MPP7: variants seen among roughly 807,000 people sequenced by gnomAD.
MPP7 encodes MAGUK p55 scaffold protein 7.
MPP7 carries 60 observed loss-of-function variants against 76.5 expected under a neutral mutation model. The observed-to-expected ratio is 0.78, with a 90% CI of 0.64 to 0.97. MPP7 has a LOEUF of 0.97. MPP7 is among the 50% of genes least tolerant of loss of function. The pLI, the probability that MPP7 is intolerant of heterozygous loss-of-function variation, is 0.00. For missense variants in MPP7, 641 were observed against 694.0 expected, an observed-to-expected ratio of 0.92 and a Z score of 0.86; for synonymous variants, 237 against 244.5, an observed-to-expected ratio of 0.97 and a Z score of 0.29.
chr10:28,131,466 T>C (rs867248476), intron 6 of MPP7, 94 bp downstream of exon 6: 7 of 1,081,444 alleles, frequency 6.5e-6, no homozygotes, highest in Non-Finnish European at 8.5e-6. Context: ...TTTAAGAACA[T>C]AGAGGAAGTA....
intron 1 of MPP7, among the ~76,000 whole-genome samples, chr10:28,334,118 T>A (rs976311352): frequency 1.3e-5 from 2 of 152,072 alleles, no homozygotes; most frequent in African/African-American, 4.8e-5. Context: ...GGAGAATTGC[T>A]TGAACCCAGG....
chr10:28,322,549 C>T (rs552318478), intron 2 of MPP7, among the ~76,000 whole-genome samples: 2 of 152,322 alleles, frequency 1.3e-5, no homozygotes, highest in African/African-American at 4.8e-5. Context: ...TGACACCCCG[C>T]TCTTGGCGGG....
At chr10:28,314,732 C>T (rs1008463891) in intron 2 of MPP7, among the ~76,000 whole-genome samples, 1 of 152,102 alleles carries the variant, frequency 6.6e-6, no homozygotes, top group African/African-American at 2.4e-5. Context: ...GATTAATCCA[C>T]CCAAGAAGTT....
chr10:28,156,291 C>T (rs1421092248), intron 3 of MPP7, among the ~76,000 whole-genome samples: 1 of 152,168 alleles, frequency 6.6e-6, no homozygotes, highest in Non-Finnish European at 1.5e-5. Context: ...CACGCAAGTT[C>T]TGGAAAATAG....
chr10:28,108,963 G>A (rs181172606), intron 11 of MPP7, among the ~76,000 whole-genome samples: 81 of 152,070 alleles, frequency 5.3e-4, no homozygotes, highest in African/African-American at 1.9e-3. Flanking sequence ...CTTAGGAGGA[G>A]GCTGTGGGAA....
At chr10:28,174,255 T>C (rs1380547444) in intron 3 of MPP7, among the ~76,000 whole-genome samples, 1 of 151,820 alleles carries the variant, frequency 6.6e-6, no homozygotes, top group Non-Finnish European at 1.5e-5. Flanking sequence ...GGGGAGCCTT[T>C]TGGCCCCACT....
intron 2 of MPP7, among the ~76,000 whole-genome samples, chr10:28,233,075 G>C (rs1294633602): frequency 6.6e-6 from 1 of 152,076 alleles, no homozygotes; most frequent in East Asian, 1.9e-4. Context: ...ACTATCCCGG[G>C]AATAAAAATA....
chr10:28,312,874 C>CTTGAAAACTAAGTAACTCCTTGTTCCACG (rs1841297427), intron 2 of MPP7, among the ~76,000 whole-genome samples: 1 of 152,172 alleles, frequency 6.6e-6, no homozygotes, highest in African/African-American at 2.4e-5. Context: ...TATCTCGCCA[C>CTTGAAAACTAAGTAACTCCTTGTTCCACG]TTGAAAACTA....
At chr10:28,304,790 A>T (rs1841240422), upstream of MPP7, among the ~76,000 whole-genome samples, 1 of 152,172 alleles carries the variant, frequency 6.6e-6, no homozygotes, top group South Asian at 2.1e-4. Flanking sequence ...ACATTCTTTC[A>T]CTGGGATTAA....
At chr10:28,059,323 T>G (rs1309288292) in intron 14 of MPP7, among the ~76,000 whole-genome samples, 1 of 152,178 alleles carries the variant, frequency 6.6e-6, no homozygotes, top group Non-Finnish European at 1.5e-5. Flanking sequence ...AGTTGTTGGT[T>G]TTTGAAGTAA....
intron 6 of MPP7, among the ~76,000 whole-genome samples, chr10:28,126,180 C>T (rs1041264439): frequency 1.4e-4 from 21 of 152,130 alleles, no homozygotes; most frequent in Admixed American, 1.3e-4. Flanking sequence ...AGGCATTTTA[C>T]GGCATTTTTC....
chr10:28,054,175 T>C lies in MPP7; in HGVS notation c.1621A>G (p.Lys541Glu). Residue 541 changes from lysine (K) to glutamate (E), a missense_variant, in exon 17 of 17, where the codon AAA (lysine) becomes GAA (glutamate). Lys to Glu is a moderately conservative substitution (Grantham distance 56). Transcript: ENST00000683449. ...MESQYGHLFD[K>E]IIINDDLTVA... is the part of the protein sequence containing the mutation. ...GTGAGGTCATCATTTATTATAATTT[T>C]GTCAAAAAGATGACCATATTGACTT... is the stretch of plus-strand genomic sequence containing the variant. The C allele has an allele frequency of 2.5e-6, 4 of 1,606,296 alleles. No individual in the cohort carries two copies. The highest frequency in any genetic ancestry group is 3.4e-6 in the Non-Finnish European group (4 of 1,174,438).
At chr10:28,323,369 A>G (rs567012600) in intron 2 of MPP7, among the ~76,000 whole-genome samples, 8 of 152,120 alleles carry the variant, frequency 5.3e-5, no homozygotes, top group African/African-American at 1.7e-4. Context: ...AGGAGGATCA[A>G]TTGAGCCTAG....
At chr10:28,124,481 T>C (rs1266066415) in intron 7 of MPP7, among the ~76,000 whole-genome samples, 4 of 132,100 alleles carry the variant, frequency 3.0e-5, no homozygotes, top group Non-Finnish European at 6.5e-5. Flanking sequence ...TTTTTTTTTT[T>C]TTTTTTTTTT....
chr10:28,063,014 CT>C lies in MPP7; in HGVS notation c.1205-3272del, dbSNP rs561789080. Among the ~76,000 whole-genome samples, 639 of 151,972 alleles carry C rather than the reference CT, an allele frequency of 4.2e-3. 2 individuals are homozygous for C. Among genetic ancestry groups the C allele is most frequent in the Non-Finnish European group, 6.9e-3 (472 of 67,954 alleles). Reference sequence around the variant, plus strand: ...AATTAGATTTCATCAAAATTAAACACTTTTGCTTTTTAAAAGACACCATTAA... The same window carrying C: ...AATTAGATTTCATCAAAATTAAACACTTTGCTTTTTAAAAGACACCATTAA... On this transcript the variant is annotated intron_variant, in intron 13 of 16. Transcript: ENST00000683449.
intron 16 of MPP7, among the ~76,000 whole-genome samples, chr10:28,055,917 C>A (rs372162967): frequency 6.6e-6 from 1 of 152,160 alleles, no homozygotes; most frequent in Non-Finnish European, 1.5e-5. Context: ...CACCAAAGCA[C>A]AAGAAGTGTA....
intron 2 of MPP7, among the ~76,000 whole-genome samples, chr10:28,230,502 CA>C (rs753264763): frequency 2.6e-5 from 4 of 152,142 alleles, no homozygotes; most frequent in South Asian, 4.1e-4. Context: ...AATATACCAA[CA>C]AAATAACATA....
intron 12 of MPP7, among the ~76,000 whole-genome samples, chr10:28,086,960 A>G (rs1046035558): frequency 6.6e-6 from 1 of 152,080 alleles, no homozygotes; most frequent in Non-Finnish European, 1.5e-5. Flanking sequence ...GAAGTTTCCC[A>G]TTTTATTTTT....
In MPP7 at chr10:28,140,285, C is replaced by T. The variant is rs542869471; in HGVS notation, c.315+7198G>A. The stretch of plus-strand genomic sequence containing the variant: ...TAACACTTTGGTAGGCTGGGGCAGG[C>T]GGATCACCAGACGTCAGAAGTTCGA... On this transcript the variant is annotated intron_variant, in intron 5 of 16. Transcript: ENST00000683449. Among the ~76,000 whole-genome samples the T allele has an allele frequency of 1.1e-4, 16 of 152,196 alleles. No homozygotes were observed. The South Asian group carries it at 3.3e-3, about 32-fold the overall frequency.
Sources: gnomAD v4.1 joint callset for allele counts (sites outside exome capture counted in the v4.1 genomes callset) on GRCh38, gnomAD v4.1.1 for gene constraint, MANE v1.5 for transcripts, NCBI Gene and HGNC (gene_info 2026-07-23, HGNC 2026-07-21) for gene names.